Variants in CTNNA2 observed in about 807,000 individuals in gnomAD.
CTNNA2 encodes catenin alpha-2.
In CTNNA2, 42 loss-of-function variants were observed where a neutral mutation model predicts 101.0. The observed-to-expected ratio is 0.42, with a 90% confidence interval of 0.32 to 0.54. The LOEUF is 0.54. CTNNA2 is among the 20% of genes least tolerant of loss of function. CTNNA2 has a pLI of 0.14. For synonymous variants in CTNNA2, 450 were observed against 456.4 expected, an observed-to-expected ratio of 0.99 and a Z score of 0.18; for missense variants, 871 against 1,223.1, an observed-to-expected ratio of 0.71 and a Z score of 4.29.
In CTNNA2 at chr2:79,242,616, A is replaced by G. The variant is rs141443794; in HGVS notation, c.-406+44540A>G. 2.8e-3 allele frequency among the ~76,000 whole-genome samples: 423 copies of G among 152,298 alleles called. 1 individual carries two copies. The highest frequency in any genetic ancestry group is 9.9e-3 in the African/African-American group (410 of 41,558). On this transcript the variant is annotated intron_variant, in intron 2 of 21. Coordinates refer to the CTNNA2 transcript ENST00000466387. ...TAACATCACCTAACATAAAACCTAT[A>G]TTCAAATTTCCTCCATTCCACGAAG...
chr2:80,383,609 G>A (rs1676715203), intron 7 of CTNNA2, among the ~76,000 whole-genome samples: 2 of 152,116 alleles, frequency 1.3e-5, no homozygotes, highest in South Asian at 4.1e-4. Flanking sequence ...AACCTGGCTA[G>A]GTGAATTGTG....
intron 3 of CTNNA2, among the ~76,000 whole-genome samples, chr2:79,333,751 C>A (rs962805060): frequency 1.3e-5 from 2 of 151,932 alleles, no homozygotes; most frequent in African/African-American, 4.8e-5. Context: ...GAAAAATCAC[C>A]TAATTGTTTA....
chr2:80,177,258 G>T (rs111631976), intron 7 of CTNNA2, among the ~76,000 whole-genome samples: 104 of 152,280 alleles, frequency 6.8e-4, no homozygotes, highest in African/African-American at 2.5e-3. Flanking sequence ...GGCATTATGT[G>T]AGTCCATGGA....
intron 7 of CTNNA2, among the ~76,000 whole-genome samples, chr2:80,201,772 T>C (rs947050339): frequency 3.3e-5 from 5 of 152,210 alleles, no homozygotes; most frequent in Non-Finnish European, 1.5e-5. Context: ...TTAATGTATA[T>C]TCCTTTTCTT....
chr2:80,303,269 C>G lies in CTNNA2; in HGVS notation c.1057-89942C>G. ...GATGTCGAGAAACTTGAGGCTGCGG[C>G]AGTCCTGGAAGATGCGCACGGGCAC... On this transcript the variant is annotated intron_variant, in intron 7 of 18. Transcript: ENST00000402739. The surrounding 1 kb of genome is among the most constrained non-coding windows in gnomAD (Gnocchi z 7.7). The G allele has an allele frequency of 1.2e-6, 2 of 1,613,508 alleles. No individual in the cohort carries two copies. Among genetic ancestry groups the G allele is most frequent in the Non-Finnish European group, 1.7e-6 (2 of 1,180,018 alleles).
intron 2 of CTNNA2, among the ~76,000 whole-genome samples, chr2:79,305,361 CATATATAT>C (rs1210721281): frequency 1.5e-5 from 2 of 134,006 alleles, no homozygotes; most frequent in East Asian, 2.1e-4. Context: ...TACATATATA[CATATATAT>C]ACACATATAT....
At chr2:79,659,086 T>C (rs1681826351) in intron 2 of CTNNA2, among the ~76,000 whole-genome samples, 1 of 152,010 alleles carries the variant, frequency 6.6e-6, no homozygotes, top group South Asian at 2.1e-4. Flanking sequence ...AGTTCATTAC[T>C]TTGGTGCAAT....
At chr2:80,065,087 G>A (rs964020403) in intron 7 of CTNNA2, among the ~76,000 whole-genome samples, 2 of 152,110 alleles carry the variant, frequency 1.3e-5, no homozygotes, top group Admixed American at 1.3e-4. Context: ...TTTTTTTTGA[G>A]TAAGAGGTCA....
chr2:79,540,956 G>A, intron 1 of CTNNA2, among the ~76,000 whole-genome samples: 1 of 152,086 alleles, frequency 6.6e-6, no homozygotes, highest in East Asian at 1.9e-4. Context: ...TCGGATTGGT[G>A]TGATTAAATG....
At chr2:80,383,861 C>T (rs1052130064) in intron 7 of CTNNA2, among the ~76,000 whole-genome samples, 13 of 152,084 alleles carry the variant, frequency 8.5e-5, no homozygotes, top group African/African-American at 2.7e-4. Context: ...TAAAGACACA[C>T]GTACTAATTT....
chr2:79,281,904 C>T (rs1271371661), intron 2 of CTNNA2, among the ~76,000 whole-genome samples: 5 of 152,136 alleles, frequency 3.3e-5, no homozygotes, highest in African/African-American at 1.2e-4. Context: ...CAGAAAATAA[C>T]AACTATGTAG....
intron 8 of CTNNA2, among the ~76,000 whole-genome samples, chr2:80,398,295 T>C (rs1204193851): frequency 6.6e-6 from 1 of 152,192 alleles, no homozygotes; most frequent in Non-Finnish European, 1.5e-5. Context: ...TAAAACCATT[T>C]ATTTCTGGAT....
chr2:79,694,465 C>A (rs1344119517), intron 2 of CTNNA2, among the ~76,000 whole-genome samples: 1 of 151,718 alleles, frequency 6.6e-6, no homozygotes, highest in Non-Finnish European at 1.5e-5. Context: ...GCAAGGAATG[C>A]TATGCACTTC....
intron 2 of CTNNA2, among the ~76,000 whole-genome samples, chr2:79,292,543 T>C (rs987903202): frequency 2.4e-4 from 36 of 151,228 alleles, no homozygotes; most frequent in Admixed American, 2.4e-3. Context: ...TCTTTTAGAA[T>C]TTCCATTTAA....
intron 2 of CTNNA2, among the ~76,000 whole-genome samples, chr2:79,740,863 G>C (rs1362135140): frequency 6.6e-6 from 1 of 151,774 alleles, no homozygotes; most frequent in African/African-American, 2.4e-5. Flanking sequence ...ACTTCTCTAA[G>C]CTGGGTTTCC....
intron 4 of CTNNA2, among the ~76,000 whole-genome samples, chr2:79,417,928 G>A (rs1447927362): frequency 1.3e-5 from 2 of 152,114 alleles, no homozygotes; most frequent in African/African-American, 4.8e-5. Context: ...TTCATTGATG[G>A]AGGTTGGCCA....
intron 7 of CTNNA2, among the ~76,000 whole-genome samples, chr2:80,150,258 C>G (rs1337356405): frequency 6.6e-6 from 1 of 152,202 alleles, no homozygotes; most frequent in Non-Finnish European, 1.5e-5. Context: ...ATTACCTCCT[C>G]TGAGGCTTCT....
chr2:80,027,876 G>A (rs1401939393), intron 7 of CTNNA2: 2 of 149,488 alleles, frequency 1.3e-5, no homozygotes, highest in African/African-American at 5.0e-5. Flanking sequence ...GGAAGGCTAA[G>A]GCTGGAGGAT....
At chr2:79,860,728 T>A (rs866848857) in intron 4 of CTNNA2, among the ~76,000 whole-genome samples, 5 of 152,090 alleles carry the variant, frequency 3.3e-5, no homozygotes, top group African/African-American at 1.2e-4. Context: ...TGTTGCTATC[T>A]TGTGGAGCAA....
Sources: allele counts gnomAD v4.1 joint callset (sites outside exome capture counted in the v4.1 genomes callset), GRCh38; gene constraint gnomAD v4.1.1; non-coding constraint Gnocchi (gnomAD v3.1); transcripts MANE v1.5; gene names NCBI Gene and HGNC (gene_info 2026-07-23, HGNC 2026-07-21).